Variants in PEBP4 observed in about 807,000 individuals in gnomAD.
PEBP4 encodes the protein phosphatidylethanolamine-binding protein 4.
A neutral mutation model predicts 23.9 loss-of-function variants in PEBP4; 22 were observed. The ratio of observed to expected loss-of-function variants is 0.92; its 90% CI spans 0.66 to 1.31. PEBP4 has a LOEUF of 1.31. PEBP4 is among the 40% of genes most tolerant of loss of function. PEBP4 has a pLI of 0.00. For missense variants in PEBP4, 324 were observed against 281.7 expected (o/e 1.15, Z -1.07); for synonymous variants, 112 against 99.3 (o/e 1.13, Z -0.76).
At chr8:22,802,071 C>G (rs556654966) in intron 4 of PEBP4, among the ~76,000 whole-genome samples, 1 of 152,298 alleles carries the variant, frequency 6.6e-6, no homozygotes, top group East Asian at 1.9e-4. Flanking sequence ...TCCTGCTGCC[C>G]CTCCCCCCAC....
intron 4 of PEBP4, among the ~76,000 whole-genome samples, chr8:22,771,760 C>G (rs979083586): frequency 2.0e-5 from 3 of 152,228 alleles, no homozygotes; most frequent in African/African-American, 7.2e-5. Context: ...CATGGCAACA[C>G]CTGGGCGTTA....
At chr8:22,871,869 G>A (rs1441994302) in intron 3 of PEBP4, among the ~76,000 whole-genome samples, 2 of 152,018 alleles carry the variant, frequency 1.3e-5, no homozygotes, top group Non-Finnish European at 2.9e-5. Context: ...TGGGATTTTA[G>A]TGCACCTGTC....
chr8:22,829,282 A>G (rs753664701), intron 3 of PEBP4, among the ~76,000 whole-genome samples: 15 of 152,126 alleles, frequency 9.9e-5, no homozygotes, highest in Admixed American at 3.9e-4. Flanking sequence ...GCCCCACCCT[A>G]TATTTTTGGC....
At chr8:22,921,811 T>C (rs1809206749) in intron 2 of PEBP4, among the ~76,000 whole-genome samples, 1 of 152,216 alleles carries the variant, frequency 6.6e-6, no homozygotes, top group Non-Finnish European at 1.5e-5. Context: ...AGCATCATCT[T>C]AAGGACCGTT....
intron 4 of PEBP4, among the ~76,000 whole-genome samples, chr8:22,759,269 C>T (rs1280982520): frequency 1.3e-5 from 2 of 151,480 alleles, no homozygotes; most frequent in Non-Finnish European, 2.9e-5. Flanking sequence ...AGGCCCAGGG[C>T]TTTGCCAAGA....
At chr8:22,917,541 G>A (rs1234679936) in intron 3 of PEBP4, among the ~76,000 whole-genome samples, 1 of 152,210 alleles carries the variant, frequency 6.6e-6, no homozygotes, top group Non-Finnish European at 1.5e-5. Context: ...CAGGCCCATG[G>A]GCTCTGGAGT....
chr8:22,847,690 T>C (rs1467148643), intron 3 of PEBP4, among the ~76,000 whole-genome samples: 1 of 152,116 alleles, frequency 6.6e-6, no homozygotes, highest in African/African-American at 2.4e-5. Context: ...CCCTAGCCCC[T>C]GTCCCCTTCC....
chr8:22,856,070 A>G (rs1158828404), intron 3 of PEBP4, among the ~76,000 whole-genome samples: 1 of 143,696 alleles, frequency 7.0e-6, no homozygotes, highest in East Asian at 2.1e-4. Flanking sequence ...AAAAAAAAGG[A>G]AACCTAATAT....
intron 4 of PEBP4, among the ~76,000 whole-genome samples, chr8:22,756,529 A>G (rs1364293782): frequency 1.3e-5 from 2 of 151,498 alleles, no homozygotes. Context: ...AACCTCCACC[A>G]CTGTCCCATG....
intron 4 of PEBP4, among the ~76,000 whole-genome samples, chr8:22,777,302 G>A (rs1805832578): frequency 6.6e-6 from 1 of 152,182 alleles, no homozygotes; most frequent in South Asian, 2.1e-4. Flanking sequence ...TGTGGAAGAG[G>A]AGGGTGTGGC....
chr8:22,780,540 C>T lies in PEBP4; in HGVS notation c.357+37097G>A, dbSNP rs7837093. On this transcript the variant is annotated intron_variant, in intron 4 of 6. Transcript: ENST00000256404. ...ATGAAGGTTTTGTGGGTTATGACTT[C>T]GTATGGATCCTTTGAGGTTCCACAG... 3.0e-3 allele frequency among the ~76,000 whole-genome samples: 450 copies of T among 152,270 alleles called. 1 individual carries two copies. The highest frequency in any genetic ancestry group is 8.8e-3 in the African/African-American group (364 of 41,544).
rs1809371683 is a variant in PEBP4 at position 22,927,587 on chromosome 8, C to A, written c.128G>T (p.Cys43Phe). The A allele has an allele frequency of 1.2e-6, 2 of 1,609,388 alleles. No homozygotes were observed. The highest frequency in any genetic ancestry group is 1.7e-5 in the Admixed American group (1 of 58,944). Residue 43 changes from cysteine (C) to phenylalanine (F), a missense_variant, in exon 2 of 7, where the codon TGC becomes TTC. Cys to Phe is a radical substitution (Grantham distance 205). Transcript: ENST00000256404. ...EALLDEDTLFCQGLEVFYPEL... is the reference protein window; with the variant it reads ...EALLDEDTLFFQGLEVFYPEL... The stretch of plus-strand genomic sequence containing the variant: ...CTCCAAGCCTGCCCTGACTTACTGG[C>A]AAAAGAGGGTGTCCTCGTCCAAGAG...
At chr8:22,763,455 G>A (rs1805551508) in intron 4 of PEBP4, among the ~76,000 whole-genome samples, 1 of 152,078 alleles carries the variant, frequency 6.6e-6, no homozygotes, top group East Asian at 1.9e-4. Flanking sequence ...TTTAAAGTAC[G>A]TGTTTACGAG....
chr8:22,815,993 T>C (rs1450286535), intron 4 of PEBP4, among the ~76,000 whole-genome samples: 1 of 152,198 alleles, frequency 6.6e-6, no homozygotes, highest in African/African-American at 2.4e-5. Flanking sequence ...CCTGTGTGCC[T>C]GGGGTGGCTG....
chr8:22,864,756 G>A (rs1210656088), intron 3 of PEBP4, among the ~76,000 whole-genome samples: 1 of 152,246 alleles, frequency 6.6e-6, no homozygotes, highest in Non-Finnish European at 1.5e-5. Flanking sequence ...CGGAAGGGGT[G>A]AGAAAATAGG....
At chr8:22,723,656 C>G (rs1384291483) in intron 6 of PEBP4, among the ~76,000 whole-genome samples, 1 of 152,238 alleles carries the variant, frequency 6.6e-6, no homozygotes, top group Admixed American at 6.5e-5. Flanking sequence ...GTTTCCTTCT[C>G]TCTGCATCTA....
chr8:22,833,983 T>A (rs1232989613), intron 3 of PEBP4, among the ~76,000 whole-genome samples: 1 of 152,144 alleles, frequency 6.6e-6, no homozygotes, highest in Non-Finnish European at 1.5e-5. Flanking sequence ...ATTTCTCCCC[T>A]CCTCATCAGT....
intron 2 of PEBP4, among the ~76,000 whole-genome samples, chr8:22,923,977 C>G (rs1174384524): frequency 6.6e-6 from 1 of 152,158 alleles, no homozygotes; most frequent in African/African-American, 2.4e-5. Context: ...GGTAGCTGAA[C>G]AGACTAAGAC....
chr8:22,784,657 G>T (rs759953587), intron 4 of PEBP4, among the ~76,000 whole-genome samples: 20 of 152,174 alleles, frequency 1.3e-4, no homozygotes, highest in Admixed American at 5.9e-4. Context: ...GCAGCCGCCC[G>T]GGTGTTTGTA....
Sources: allele counts gnomAD v4.1 joint callset (sites outside exome capture counted in the v4.1 genomes callset), GRCh38; gene constraint gnomAD v4.1.1; transcripts MANE v1.5; gene names NCBI Gene and HGNC (gene_info 2026-07-23, HGNC 2026-07-21).